Variants in AKR1B1 observed in about 807,000 individuals in gnomAD.
The protein encoded by AKR1B1 is aldo-keto reductase family 1 member B1.
AKR1B1 carries 22 observed loss-of-function variants against 40.4 expected under a neutral mutation model. That is an observed-to-expected ratio of 0.54 (90% CI 0.39 to 0.78). The LOEUF (loss-of-function observed/expected upper bound fraction) is 0.78, where lower values mean the gene tolerates loss of function less well. Ranked by LOEUF, AKR1B1 falls within the 30% of genes least tolerant of loss-of-function variation. The pLI is 0.00. For missense variants in AKR1B1, 357 were observed against 396.7 expected, an observed-to-expected ratio of 0.90 and a Z score of 0.85; for synonymous variants, 157 against 149.9, an observed-to-expected ratio of 1.05 and a Z score of -0.35.
intron 8 of AKR1B1, among the ~76,000 whole-genome samples, chr7:134,446,179 C>T (rs1388209098): frequency 6.6e-6 from 1 of 152,184 alleles, no homozygotes; most frequent in Non-Finnish European, 1.5e-5. Context: ...AAATGAAATA[C>T]GAAACAAACG....
chr7:134,446,035 GA>G (rs944913588), intron 8 of AKR1B1, among the ~76,000 whole-genome samples: 31 of 152,348 alleles, frequency 2.0e-4, no homozygotes, highest in African/African-American at 7.2e-4. Flanking sequence ...TGTGCAGAAA[GA>G]GAGTCTGCTA....
Position 134,449,388 on chromosome 7 carries a change from C to T in AKR1B1, c.430-269G>A, listed in dbSNP as rs1383828042. ...GATCACGAGGTCAGGAGATCAAGAC[C>T]ATCCTGGCTAACACGGTGAAACCCC... On this transcript the variant is annotated intron_variant, in intron 4 of 9. Transcript: ENST00000285930. 33 of 564,608 alleles carry T rather than the reference C, an allele frequency of 5.8e-5. No individual in the cohort carries two copies. In the East Asian group the frequency reaches 8.9e-4, roughly 15 times the overall value. The allele number at this position is 564,608 out of a possible 1,614,324, so 35.0% of individuals were successfully genotyped here.
intron 1 of AKR1B1, among the ~76,000 whole-genome samples, chr7:134,452,546 T>C (rs1317736465): frequency 6.6e-6 from 1 of 152,166 alleles, no homozygotes; most frequent in Non-Finnish European, 1.5e-5. Flanking sequence ...GTGGGGAGCC[T>C]GGCTACTGAA....
At chr7:134,449,141 T>C (rs892598346) in intron 4 of AKR1B1, 22 bp from the exon 5 acceptor site, 2 of 1,612,668 alleles carry the variant, frequency 1.2e-6, no homozygotes, top group Middle Eastern at 1.9e-4. Flanking sequence ...AGTGTCTGTG[T>C]GGTGCAGAAA....
chr7:134,447,655 G>A, intron 7 of AKR1B1: 1 of 616,312 alleles, frequency 1.6e-6, no homozygotes, highest in South Asian at 1.9e-5. Flanking sequence ...GGCTAGAAAT[G>A]CACACTACCA....
At chr7:134,445,062 T>C in intron 9 of AKR1B1, 176 bp downstream of exon 9, 2 of 688,098 alleles carry the variant, frequency 2.9e-6, no homozygotes, top group African/African-American at 3.5e-5. Context: ...CTTGGCATCT[T>C]GGCTCCATGC....
chr7:134,444,519 A>C (rs1035941279), intron 9 of AKR1B1, among the ~76,000 whole-genome samples: 2 of 152,252 alleles, frequency 1.3e-5, no homozygotes, highest in African/African-American at 4.8e-5. Context: ...TAAAGGAGAG[A>C]GTGTGGAAAC....
chr7:134,450,590 C>T (rs1030614234), intron 3 of AKR1B1, among the ~76,000 whole-genome samples, 196 bp downstream of exon 3: 6 of 152,228 alleles, frequency 3.9e-5, no homozygotes, highest in Non-Finnish European at 1.5e-5. Flanking sequence ...GGTGCGGATT[C>T]AAATGGCCTG....
intron 1 of AKR1B1, among the ~76,000 whole-genome samples, chr7:134,453,204 G>A (rs1235971684): frequency 6.6e-6 from 1 of 152,168 alleles, no homozygotes; most frequent in Non-Finnish European, 1.5e-5. Context: ...AGGCTTGATG[G>A]CGCCTTGATT....
At chr7:134,449,299 C>A (rs375326094) in intron 4 of AKR1B1, 180 bp from the exon 5 acceptor site, 1 of 882,492 alleles carries the variant, frequency 1.1e-6, no homozygotes. Context: ...ATAAGAAGAG[C>A]AAACAGGCCG....
rs1325010981 is a variant in AKR1B1, at chr7:134,448,420, G to A, written c.626C>T (p.Ala209Val). 1 of 1,613,896 alleles carries A rather than the reference G, an allele frequency of 6.2e-7. No homozygotes were observed. Among genetic ancestry groups the A allele is most frequent in the East Asian group, 2.2e-5 (1 of 44,876 alleles). The change falls in exon 6 of 10, where the codon GCC (alanine) becomes GTC (valine). Residue 209 changes from alanine (A) to valine (V), a missense_variant. Transcript: ENST00000285930. ...YCQSKGIVVT[A>V]YSPLGSPDRP... ...GTCAGGAGAGCCGAGGGGGCTGTAG[G>A]CGGTCACCACGATGCCTTTGGACTG...
intron 1 of AKR1B1, among the ~76,000 whole-genome samples, chr7:134,456,882 G>C (rs186567936): frequency 6.6e-6 from 1 of 152,194 alleles, no homozygotes; most frequent in Admixed American, 6.5e-5. Context: ...TAGCTTTTTG[G>C]GGCATTGAGT....
intron 9 of AKR1B1, among the ~76,000 whole-genome samples, chr7:134,444,265 C>T (rs78265539): frequency 0.026 from 3,893 of 152,342 alleles, 91 homozygotes; most frequent in South Asian, 0.12. Flanking sequence ...GCTCTGTTTG[C>T]GGCCTATTTT....
At chr7:134,458,967 C>T in intron 1 of AKR1B1, 30 bp downstream of exon 1, 1 of 1,592,630 alleles carries the variant, frequency 6.3e-7, no homozygotes, top group East Asian at 2.3e-5. Context: ...GTGAGGCGAG[C>T]CCCGGGCCCG....
intron 8 of AKR1B1, among the ~76,000 whole-genome samples, chr7:134,446,336 C>T (rs1332606851): frequency 3.9e-5 from 6 of 152,208 alleles, no homozygotes; most frequent in African/African-American, 1.4e-4. Flanking sequence ...AGGGATCACT[C>T]TCATCCCTGT....
intron 1 of AKR1B1, among the ~76,000 whole-genome samples, chr7:134,456,057 T>G (rs1806460414): frequency 6.6e-6 from 1 of 152,176 alleles, no homozygotes; most frequent in South Asian, 2.1e-4. Context: ...ACACAGCCGC[T>G]ACGGCATGGG....
In AKR1B1 at chr7:134,447,437, A is replaced by T. The variant is rs538467182; in HGVS notation, c.742-56T>A. On this transcript the variant is annotated intron_variant, in intron 7 of 9. Transcript: ENST00000285930. ...TACATGCCAGGCACTCGCACCCATC[A>T]TCTCAGTCTCTCACACACACAACCT... The T allele has an allele frequency of 2.8e-6, 4 of 1,448,748 alleles. No homozygotes were observed. The South Asian group carries it at 3.4e-5, about 12-fold the overall frequency. The allele number at this position is 1,448,748 out of a possible 1,614,324, so 89.7% of individuals were successfully genotyped here.
chr7:134,446,578 C>T (rs1201821344), intron 8 of AKR1B1, among the ~76,000 whole-genome samples: 2 of 428 alleles, frequency 4.7e-3, no homozygotes, highest in Admixed American at 0.036. Context: ...CTCCTTTGGG[C>T]GTGCCCCCCC....
chr7:134,445,344 A>G, intron 8 of AKR1B1, 24 bp from the exon 9 acceptor site: 1 of 1,592,444 alleles, frequency 6.3e-7, no homozygotes, highest in Non-Finnish European at 8.6e-7. Flanking sequence ...AAAAAAATCC[A>G]GTAAGCTCTG....
Sources: gnomAD v4.1 joint callset for allele counts (sites outside exome capture counted in the v4.1 genomes callset) on GRCh38, gnomAD v4.1.1 for gene constraint, MANE v1.5 for transcripts, NCBI Gene and HGNC (gene_info 2026-07-23, HGNC 2026-07-21) for gene names.